The following PUM2 variants were observed in gnomAD, a reference collection of about 807,000 sequenced individuals.
PUM2 encodes the protein pumilio homolog 2.
Under a neutral mutation model 124.5 loss-of-function variants are expected in PUM2, and 57 were observed. The ratio of observed to expected loss-of-function variants is 0.46; its 90% CI spans 0.37 to 0.57. The LOEUF (loss-of-function observed/expected upper bound fraction) is 0.57. PUM2 is among the 20% of genes least tolerant of loss of function. The pLI, the probability that PUM2 is intolerant of heterozygous loss-of-function variation, is 0.00. For missense variants in PUM2, 1,065 were observed against 1,290.6 expected (o/e 0.83, Z 2.68); for synonymous variants, 460 against 446.1 (o/e 1.03, Z -0.39).
At chr2:20,259,528 T>C (rs1665657400) in intron 15 of PUM2, among the ~76,000 whole-genome samples, 1 of 152,252 alleles carries the variant, frequency 6.6e-6, no homozygotes, top group Non-Finnish European at 1.5e-5. Context: ...TAGATCACTA[T>C]CAATGTTTGT....
intron 7 of PUM2, among the ~76,000 whole-genome samples, chr2:20,299,099 C>T (rs1429928347): frequency 1.3e-5 from 2 of 152,076 alleles, no homozygotes; most frequent in Non-Finnish European, 2.9e-5. Flanking sequence ...CAAATCAAAC[C>T]CAAAGAGGGG....
At chr2:20,304,167 C>A (rs1310810978) in intron 7 of PUM2, among the ~76,000 whole-genome samples, 1 of 152,150 alleles carries the variant, frequency 6.6e-6, no homozygotes, top group East Asian at 1.9e-4. Context: ...TACAACTCAA[C>A]CCCCAAAGCC....
chr2:20,348,639 TTA>T (rs1390579699), intron 1 of PUM2, among the ~76,000 whole-genome samples: 7 of 152,212 alleles, frequency 4.6e-5, no homozygotes, highest in Non-Finnish European at 1.0e-4. Context: ...CCAGAAAGGT[TTA>T]TAAACAAGCC....
chr2:20,334,326 A>T (rs886602975), intron 1 of PUM2, among the ~76,000 whole-genome samples: 7 of 152,160 alleles, frequency 4.6e-5, no homozygotes, highest in South Asian at 4.1e-4. Context: ...AAAATTTTTT[A>T]AATTAAAAAT....
chr2:20,344,622 G>A (rs193086682), intron 1 of PUM2, among the ~76,000 whole-genome samples: 1 of 152,110 alleles, frequency 6.6e-6, no homozygotes, highest in Admixed American at 6.6e-5. Flanking sequence ...GGATTACTAC[G>A]GCTATTAATC....
intron 7 of PUM2, among the ~76,000 whole-genome samples, chr2:20,300,877 C>T (rs1245975825): frequency 6.6e-6 from 1 of 151,890 alleles, no homozygotes; most frequent in African/African-American, 2.4e-5. Flanking sequence ...AGCTCAAAGT[C>T]ATCGCTCTGC....
chr2:20,331,883 G>C (rs537874921), intron 1 of PUM2: 4 of 152,264 alleles, frequency 2.6e-5, no homozygotes, highest in African/African-American at 9.6e-5. Context: ...AGGCTTTGCA[G>C]GCCATATGAT....
Position 20,300,304 on chromosome 2 carries a change from C to A in PUM2, c.884-2626G>T, listed in dbSNP as rs1207637395. 3.9e-5 allele frequency among the ~76,000 whole-genome samples: 6 copies of A among 152,278 alleles called. No individual in the cohort carries two copies. The East Asian group carries it at 5.8e-4, about 15-fold the overall frequency. ...AGCTGGGATTACAGGCATGCGCCGCCACGCCTGGCTAATTTTGTATTTTTA... is the reference window on the plus strand; with the variant it reads ...AGCTGGGATTACAGGCATGCGCCGCAACGCCTGGCTAATTTTGTATTTTTA... On this transcript the variant is annotated intron_variant, in intron 7 of 20. Coordinates refer to ENST00000361078, the MANE Select transcript of PUM2 (RefSeq NM_015317.5).
At chr2:20,261,724 T>C (rs1666333862) in intron 14 of PUM2, among the ~76,000 whole-genome samples, 1 of 152,170 alleles carries the variant, frequency 6.6e-6, no homozygotes, top group Non-Finnish European at 1.5e-5. Context: ...CATTTGTGTC[T>C]TAGTTCTTAA....
intron 7 of PUM2, among the ~76,000 whole-genome samples, chr2:20,300,370 A>T (rs1052877215): frequency 1.3e-5 from 2 of 152,122 alleles, no homozygotes; most frequent in Non-Finnish European, 2.9e-5. Flanking sequence ...GCTGGTTGTG[A>T]ACTCCCGACC....
intron 3 of PUM2, among the ~76,000 whole-genome samples, chr2:20,315,032 A>G (rs1469033331): frequency 6.7e-6 from 1 of 149,838 alleles, no homozygotes; most frequent in Non-Finnish European, 1.5e-5. Context: ...CAAGTCTTCA[A>G]ATCAATGCCA....
Position 20,342,562 on chromosome 2 carries a change from A to G in PUM2, c.-19+8035T>C, listed in dbSNP as rs527608554. On this transcript the variant is annotated intron_variant, in intron 1 of 20. Coordinates refer to ENST00000361078, the MANE Select transcript of PUM2 (RefSeq NM_015317.5). ...GACAACTTAAAGAAAAATGAATGTG[A>G]GGTATGAAATATATTCAATTTTCTC... is the stretch of plus-strand genomic sequence containing the variant. 4.5e-4 allele frequency among the ~76,000 whole-genome samples: 68 copies of G among 152,370 alleles called. 1 individual carries two copies. The South Asian group carries it at 0.013, about 30-fold the overall frequency.
At chr2:20,340,635 C>A (rs1040639779) in intron 1 of PUM2, among the ~76,000 whole-genome samples, 1 of 152,152 alleles carries the variant, frequency 6.6e-6, no homozygotes, top group Non-Finnish European at 1.5e-5. Context: ...GCAAGACAGG[C>A]GGATTTTTAT....
At chr2:20,292,236 C>T (rs1292009061) in intron 9 of PUM2, among the ~76,000 whole-genome samples, 3 of 151,698 alleles carry the variant, frequency 2.0e-5, no homozygotes, top group South Asian at 2.1e-4. Context: ...TGGCTGGCCC[C>T]ACGTCAGTGC....
At chr2:20,343,756 T>C (rs1461569796) in intron 1 of PUM2, among the ~76,000 whole-genome samples, 1 of 152,128 alleles carries the variant, frequency 6.6e-6, no homozygotes, top group Non-Finnish European at 1.5e-5. Flanking sequence ...TGAGACCTTG[T>C]CTCTACAAAT....
chr2:20,294,192 TA>T lies in PUM2; in HGVS notation c.1152+183del, dbSNP rs544785743. On this transcript the variant is annotated intron_variant, in intron 9 of 20. Coordinates refer to ENST00000361078, the MANE Select transcript of PUM2 (RefSeq NM_015317.5). ...AGAAACTGAATATAACCAAATCTTT[TA>T]AATTCATATAATACTGATTAGGAAA... Among the ~76,000 whole-genome samples the T allele has an allele frequency of 1.6e-3, 237 of 152,340 alleles. 2 individuals are homozygous for T. The highest frequency in any genetic ancestry group is 0.014 in the South Asian group (67 of 4,824).
intron 2 of PUM2, among the ~76,000 whole-genome samples, chr2:20,323,124 G>A (rs892143529): frequency 6.6e-6 from 1 of 152,008 alleles, no homozygotes. Flanking sequence ...CCTTTTCTGC[G>A]CTTCAGTTTC....
At chr2:20,275,973 A>G (rs1158346035) in intron 13 of PUM2, among the ~76,000 whole-genome samples, 2 of 152,122 alleles carry the variant, frequency 1.3e-5, no homozygotes, top group Non-Finnish European at 2.9e-5. Context: ...AGTTAATAAT[A>G]AATTATTTTA....
Position 20,350,596 on chromosome 2 carries a change from C to T in PUM2, c.-19+1G>A, listed in dbSNP as rs1323843374. ...GAAAGAGCGAACGCGGACTGACTTACAGGGCTGCTGCGGCCGCGCTGCCTC... is the reference window on the plus strand; with the variant it reads ...GAAAGAGCGAACGCGGACTGACTTATAGGGCTGCTGCGGCCGCGCTGCCTC... On this transcript the variant is annotated splice_donor_variant, in intron 1 of 20. Coordinates refer to ENST00000361078, the MANE Select transcript of PUM2 (RefSeq NM_015317.5). LOFTEE classifies it low-confidence loss of function (5UTR_SPLICE). 2 of 985,408 alleles carry T rather than the reference C, an allele frequency of 2.0e-6. No individual in the cohort carries two copies. The highest frequency in any genetic ancestry group is 2.4e-6 in the Non-Finnish European group (2 of 830,016). The allele number at this position is 985,408 out of a possible 1,614,324, so 61.0% of individuals were successfully genotyped here.
Sources: allele counts gnomAD v4.1 joint callset (sites outside exome capture counted in the v4.1 genomes callset), GRCh38; gene constraint gnomAD v4.1.1; transcripts MANE v1.5; gene names NCBI Gene and HGNC (gene_info 2026-07-23, HGNC 2026-07-21).